ZNF148: variants seen among roughly 807,000 people sequenced by gnomAD.
The protein encoded by ZNF148 is zinc finger protein 148, also known as Beta-Enolase Repressor Factor-1.
Under a neutral mutation model 67.7 loss-of-function variants are expected in ZNF148, and 7 were observed. The ratio of observed to expected loss-of-function variants is 0.10; its 90% confidence interval spans 0.06 to 0.19. The LOEUF (loss-of-function observed/expected upper bound fraction) is 0.19. ZNF148 is among the 10% of genes least tolerant of loss of function. The pLI, the probability that ZNF148 is intolerant of heterozygous loss-of-function variation, is 1.00. For missense variants in ZNF148, 583 were observed against 947.1 expected (o/e 0.62, Z 5.05); for synonymous variants, 333 against 330.7 (o/e 1.01, Z -0.08).
chr3:125,335,534 C>T (rs1941455987), intron 1 of ZNF148, among the ~76,000 whole-genome samples: 1 of 152,136 alleles, frequency 6.6e-6, no homozygotes. Flanking sequence ...ATTGATAAGT[C>T]CACTATAAAC....
At chr3:125,317,660 T>TAGAGAGAG (rs66600598) in intron 3 of ZNF148, among the ~76,000 whole-genome samples, 25 of 62,152 alleles carry the variant, frequency 4.0e-4, no homozygotes, top group African/African-American at 7.8e-4. Flanking sequence ...TATATATATA[T>TAGAGAGAG]ATAGAGAGAG....
intron 7 of ZNF148, among the ~76,000 whole-genome samples, chr3:125,276,262 A>C (rs1029436176): frequency 6.6e-6 from 1 of 152,128 alleles, no homozygotes; most frequent in Non-Finnish European, 1.5e-5. Flanking sequence ...AAAATCTATA[A>C]ATTTTTTTCT....
At chr3:125,307,010 C>G (rs931952774) in intron 4 of ZNF148, among the ~76,000 whole-genome samples, 1 of 149,962 alleles carries the variant, frequency 6.7e-6, no homozygotes, top group Non-Finnish European at 1.5e-5. Flanking sequence ...CTTCCTAACC[C>G]ATTTACAATG....
At chr3:125,289,718 C>T (rs1003308007) in intron 4 of ZNF148, among the ~76,000 whole-genome samples, 10 of 152,004 alleles carry the variant, frequency 6.6e-5, no homozygotes, top group South Asian at 2.1e-4. Flanking sequence ...TTTCTGTCAG[C>T]GTGTAAATTC....
chr3:125,370,401 A>T (rs1352836437), intron 1 of ZNF148, among the ~76,000 whole-genome samples: 1 of 152,204 alleles, frequency 6.6e-6, no homozygotes, highest in African/African-American at 2.4e-5. Flanking sequence ...AGTGAACACT[A>T]CTTTCTATCA....
At chr3:125,282,961 T>A (rs1028201929) in intron 5 of ZNF148, among the ~76,000 whole-genome samples, 1 of 152,162 alleles carries the variant, frequency 6.6e-6, no homozygotes, top group Non-Finnish European at 1.5e-5. Flanking sequence ...CTAAACACTA[T>A]AGGTTTTTAT....
At chr3:125,241,049 C>A (rs1219537486) in intron 7 of ZNF148, among the ~76,000 whole-genome samples, 1 of 151,072 alleles carries the variant, frequency 6.6e-6, no homozygotes, top group East Asian at 1.9e-4. Context: ...TTTTCATATC[C>A]CTTTTCCTCC....
At chr3:125,350,142 G>A (rs1451427201) in intron 1 of ZNF148, among the ~76,000 whole-genome samples, 2 of 139,018 alleles carry the variant, frequency 1.4e-5, no homozygotes, top group Non-Finnish European at 3.1e-5. Flanking sequence ...TTATCCAAAA[G>A]AATTGATAAT....
intron 1 of ZNF148, among the ~76,000 whole-genome samples, chr3:125,368,026 C>T (rs1942755264): frequency 6.6e-6 from 1 of 152,150 alleles, no homozygotes; most frequent in Admixed American, 6.5e-5. Context: ...AATTTGGAGT[C>T]ATTTAGTTCC....
In ZNF148 at chr3:125,230,217, G is replaced by A. The variant is rs1935795256; in HGVS notation, c.*2124C>T. On this transcript the variant is annotated 3_prime_UTR_variant, in exon 9 of 9. Coordinates refer to ENST00000360647, the MANE Select transcript of ZNF148 (RefSeq NM_021964.3). Reference sequence around the variant, plus strand: ...CTCCATGAACAAAATTTTTGATCAGGCTCCAAAACAACTCAAGAAATAAAT... The same window carrying A: ...CTCCATGAACAAAATTTTTGATCAGACTCCAAAACAACTCAAGAAATAAAT... 2 of 152,364 alleles carry A rather than the reference G, an allele frequency of 1.3e-5. No homozygotes were observed. Among genetic ancestry groups the A allele is most frequent in the African/African-American group, 4.8e-5 (2 of 41,366 alleles). The allele number at this position is 152,364 out of a possible 1,614,324, so 9.4% of individuals were successfully genotyped here.
chr3:125,272,281 G>GTTCA (rs1170225083), intron 7 of ZNF148, among the ~76,000 whole-genome samples: 1 of 152,168 alleles, frequency 6.6e-6, no homozygotes, highest in Non-Finnish European at 1.5e-5. Flanking sequence ...TGATTCACAT[G>GTTCA]TTCATTCATT....
At chr3:125,260,682 GGTA>G (rs1168013689) in intron 7 of ZNF148, among the ~76,000 whole-genome samples, 1 of 152,110 alleles carries the variant, frequency 6.6e-6, no homozygotes, top group African/African-American at 2.4e-5. Flanking sequence ...TCTTGACTGT[GGTA>G]GTAGTTACAA....
At chr3:125,301,263 G>C (rs1384242200) in intron 4 of ZNF148, among the ~76,000 whole-genome samples, 2 of 152,220 alleles carry the variant, frequency 1.3e-5, no homozygotes. Context: ...TGTAATCCCA[G>C]CAGGATCACT....
chr3:125,356,858 C>A (rs1942359426), intron 1 of ZNF148: 1 of 152,130 alleles, frequency 6.6e-6, no homozygotes, highest in South Asian at 2.1e-4. Context: ...TCTGGAAAGG[C>A]CTTAGGATTG....
intron 7 of ZNF148, among the ~76,000 whole-genome samples, chr3:125,248,488 C>T (rs746738424): frequency 2.0e-5 from 3 of 152,118 alleles, no homozygotes; most frequent in Non-Finnish European, 4.4e-5. Context: ...AAATGCACAT[C>T]GGCTTTCTTC....
chr3:125,274,728 TATA>T (rs1937953014), intron 7 of ZNF148, among the ~76,000 whole-genome samples: 1 of 152,116 alleles, frequency 6.6e-6, no homozygotes, highest in Admixed American at 6.5e-5. Flanking sequence ...GAGAAGACAG[TATA>T]ATGAGACCTA....
intron 3 of ZNF148, among the ~76,000 whole-genome samples, chr3:125,314,689 G>T (rs1384178947): frequency 6.6e-6 from 1 of 152,100 alleles, no homozygotes; most frequent in Non-Finnish European, 1.5e-5. Flanking sequence ...TATCAACCTA[G>T]AATATATACA....
chr3:125,258,445 A>AAAAAG (rs869187911), intron 7 of ZNF148, among the ~76,000 whole-genome samples: 6 of 144,884 alleles, frequency 4.1e-5, no homozygotes, highest in African/African-American at 7.6e-5. Flanking sequence ...AAAAAAAAAA[A>AAAAAG]GGGGGATAGC....
rs747363908 is a variant in ZNF148, at chr3:125,257,558, TAA to T, written c.667+20166_667+20167del. Among the ~76,000 whole-genome samples the T allele has an allele frequency of 1.6e-4, 15 of 92,322 alleles. 1 individual carries two copies. Among genetic ancestry groups the T allele is most frequent in the African/African-American group, 6.4e-4 (14 of 21,710 alleles). The allele number at this position is 92,322 out of a possible 152,430, so 60.6% of individuals were successfully genotyped here. A position where few individuals can be genotyped will look rare whatever the true frequency, so the allele number is the denominator to read the frequency against. On this transcript the variant is annotated intron_variant, in intron 7 of 8. Transcript: ENST00000360647. Reference sequence around the variant, plus strand: ...CGACAGAGCGAGACTCCGTCTCTATTAAAAAAAAAAAAAAAAAAAAAAAGTTC... The same window carrying T: ...CGACAGAGCGAGACTCCGTCTCTATTAAAAAAAAAAAAAAAAAAAAAGTTC...
Sources: allele counts gnomAD v4.1 joint callset (sites outside exome capture counted in the v4.1 genomes callset), GRCh38; gene constraint gnomAD v4.1.1; transcripts MANE v1.5; gene names NCBI Gene and HGNC (gene_info 2026-07-23, HGNC 2026-07-21).